Variants in SLC24A2 observed in about 807,000 individuals in gnomAD.
The protein encoded by SLC24A2 is sodium/potassium/calcium exchanger 2.
In SLC24A2, 36 loss-of-function variants were observed where a neutral mutation model predicts 62.0. The observed-to-expected ratio is 0.58, with a 90% CI of 0.44 to 0.77. The LOEUF (loss-of-function observed/expected upper bound fraction) is 0.77. Ranked by LOEUF, SLC24A2 falls within the 30% of genes least tolerant of loss-of-function variation. The probability of loss-of-function intolerance (pLI) is 0.00; values close to 1 mark genes in which losing one functional copy is unlikely to be tolerated. For missense variants in SLC24A2, 846 were observed against 817.9 expected (o/e 1.03, Z -0.42); for synonymous variants, 358 against 294.0 (o/e 1.22, Z -2.23).
chr9:19,624,662 C>T (rs1817989822), intron 2 of SLC24A2, among the ~76,000 whole-genome samples: 1 of 152,184 alleles, frequency 6.6e-6, no homozygotes. Context: ...CGTTTTCTTT[C>T]AAGTGTAATC....
the SLC24A2 span, among the ~76,000 whole-genome samples, chr9:20,196,372 G>A: frequency 1.3e-5 from 2 of 152,310 alleles, no homozygotes; most frequent in Non-Finnish European, 2.9e-5. Flanking sequence ...GACTGCACTT[G>A]CATTTTCTAA....
chr9:19,760,221 G>A (rs1027364044), intron 2 of SLC24A2, among the ~76,000 whole-genome samples: 2 of 151,740 alleles, frequency 1.3e-5, no homozygotes, highest in African/African-American at 4.8e-5. Flanking sequence ...CACTTGTCAG[G>A]GCCTTTCCAT....
At chr9:20,053,757 G>C in the SLC24A2 span, among the ~76,000 whole-genome samples, 2 of 152,164 alleles carry the variant, frequency 1.3e-5, no homozygotes, top group African/African-American at 4.8e-5. Context: ...AAATCTGCCA[G>C]GGCCTAGATC....
the SLC24A2 span, among the ~76,000 whole-genome samples, chr9:20,072,640 G>T: frequency 2.6e-5 from 4 of 151,976 alleles, no homozygotes; most frequent in Admixed American, 6.6e-5. Context: ...AGATTATCTA[G>T]TTGGCATGAT....
the SLC24A2 span, among the ~76,000 whole-genome samples, chr9:20,275,726 A>T: frequency 4.6e-5 from 7 of 152,196 alleles, no homozygotes; most frequent in Admixed American, 4.6e-4. Context: ...GAAATGCCCA[A>T]GACTGGGTAA....
At chr9:20,183,609 A>C in the SLC24A2 span, among the ~76,000 whole-genome samples, 1 of 152,260 alleles carries the variant, frequency 6.6e-6, no homozygotes, top group Non-Finnish European at 1.5e-5. Flanking sequence ...TAATGCTAGC[A>C]AGAACAGATT....
Position 19,741,922 on chromosome 9 carries a change from T to C in SLC24A2, c.930+44015A>G, listed in dbSNP as rs915180384. ...CAATTTATATTTTAAAATATGACTA[T>C]TGAAAATTAAATAATTGAGTTTTGC... On this transcript the variant is annotated intron_variant, in intron 2 of 10. Coordinates refer to ENST00000341998, the MANE Select transcript of SLC24A2 (RefSeq NM_020344.4). Among the ~76,000 whole-genome samples the C allele has an allele frequency of 3.3e-5, 5 of 152,210 alleles. No individual in the cohort carries two copies. The South Asian group carries it at 6.2e-4, about 19-fold the overall frequency.
chr9:20,110,393 A>C, the SLC24A2 span, among the ~76,000 whole-genome samples: 2 of 152,174 alleles, frequency 1.3e-5, no homozygotes, highest in Admixed American at 6.6e-5. Flanking sequence ...AGCTTCTGTA[A>C]ATAATCAAAT....
chr9:19,966,389 A>G, the SLC24A2 span, among the ~76,000 whole-genome samples: 1 of 152,206 alleles, frequency 6.6e-6, no homozygotes, highest in Non-Finnish European at 1.5e-5. Context: ...TTCAAATAAA[A>G]AGCCATTCCT....
At chr9:20,206,579 T>G in the SLC24A2 span, among the ~76,000 whole-genome samples, 2 of 152,098 alleles carry the variant, frequency 1.3e-5, no homozygotes, top group African/African-American at 4.8e-5. Flanking sequence ...AACCTCTGCC[T>G]CCCAGGTTCA....
chr9:19,523,673 G>C (rs1332386794), intron 9 of SLC24A2, among the ~76,000 whole-genome samples: 1 of 152,136 alleles, frequency 6.6e-6, no homozygotes, highest in African/African-American at 2.4e-5. Flanking sequence ...ACGTTGGCCA[G>C]GCTGGTCTCG....
chr9:20,027,905 A>C, the SLC24A2 span, among the ~76,000 whole-genome samples: 1 of 152,070 alleles, frequency 6.6e-6, no homozygotes, highest in Admixed American at 6.5e-5. Context: ...AAAACATACA[A>C]TGTCAATTTT....
chr9:19,792,918 A>G (rs1156623993), upstream of SLC24A2, among the ~76,000 whole-genome samples: 1 of 152,212 alleles, frequency 6.6e-6, no homozygotes, highest in African/African-American at 2.4e-5. Context: ...ATGTGCACAA[A>G]ACCAGTAGTT....
the SLC24A2 span, among the ~76,000 whole-genome samples, chr9:20,212,547 A>G: frequency 6.6e-6 from 1 of 151,772 alleles, no homozygotes; most frequent in Non-Finnish European, 1.5e-5. Flanking sequence ...GCTACTCGGG[A>G]GGCATATGTC....
chr9:20,211,065 T>C, the SLC24A2 span, among the ~76,000 whole-genome samples: 2 of 152,146 alleles, frequency 1.3e-5, no homozygotes, highest in Admixed American at 6.5e-5. Flanking sequence ...CTTTTTATTA[T>C]TGCCATTAAA....
intron 9 of SLC24A2, among the ~76,000 whole-genome samples, chr9:19,522,703 T>C (rs1453293364): frequency 1.3e-5 from 2 of 152,158 alleles, no homozygotes; most frequent in Non-Finnish European, 1.5e-5. Flanking sequence ...ATCTCCCTAG[T>C]TGACAGAACA....
rs754679003 is a variant in SLC24A2, at chr9:19,567,058, T to A, written c.1347+6293A>T. Among the ~76,000 whole-genome samples the A allele has an allele frequency of 2.6e-5, 4 of 151,382 alleles. No homozygotes were observed. In the East Asian group the frequency reaches 7.8e-4, roughly 29 times the overall value. On this transcript the variant is annotated intron_variant, in intron 7 of 10. Coordinates refer to ENST00000341998, the MANE Select transcript of SLC24A2 (RefSeq NM_020344.4). ...CACCAACATGGCACATGTATACATA[T>A]GTAATAAACCTGCACGTTGTGCACA...
At chr9:19,699,563 A>G (rs1820295991) in intron 2 of SLC24A2, among the ~76,000 whole-genome samples, 1 of 152,226 alleles carries the variant, frequency 6.6e-6, no homozygotes, top group Non-Finnish European at 1.5e-5. Flanking sequence ...AATATTCATC[A>G]TCCAATGTTA....
the SLC24A2 span, among the ~76,000 whole-genome samples, chr9:19,893,895 C>T: frequency 6.6e-6 from 1 of 152,170 alleles, no homozygotes. Context: ...AAGATGGCTG[C>T]AGTGGGTCAC....
Sources: gnomAD v4.1 joint callset for allele counts (sites outside exome capture counted in the v4.1 genomes callset) on GRCh38, gnomAD v4.1.1 for gene constraint, MANE v1.5 for transcripts, NCBI Gene and HGNC (gene_info 2026-07-23, HGNC 2026-07-21) for gene names.